The following NAALADL2 variants were observed in gnomAD, a reference collection of about 807,000 sequenced individuals.
The protein encoded by NAALADL2 is N-acetylated alpha-linked acidic dipeptidase like 2.
In NAALADL2, 76 loss-of-function variants were observed where a neutral mutation model predicts 87.2. The observed-to-expected ratio is 0.87, with a 90% CI of 0.72 to 1.05. The LOEUF (loss-of-function observed/expected upper bound fraction) is 1.05, where lower values mean the gene tolerates loss of function less well. Ranked by LOEUF, NAALADL2 falls within the 50% of genes least tolerant of loss-of-function variation. The probability of loss-of-function intolerance (pLI) is 0.00; values close to 1 mark genes in which losing one functional copy is unlikely to be tolerated. For synonymous variants in NAALADL2, 354 were observed against 331.0 expected, an observed-to-expected ratio of 1.07 and a Z score of -0.75; for missense variants, 1,089 against 945.8, an observed-to-expected ratio of 1.15 and a Z score of -1.99.
intron 5 of NAALADL2, among the ~76,000 whole-genome samples, chr3:175,367,242 A>G (rs144359575): frequency 0.079 from 11,948 of 151,856 alleles, 618 homozygotes; most frequent in Non-Finnish European, 0.12. Context: ...TACCAGTTCC[A>G]TGCTGTTTTG....
At chr3:174,710,430 T>C (rs1425059051) in intron 2 of NAALADL2, among the ~76,000 whole-genome samples, 2 of 152,040 alleles carry the variant, frequency 1.3e-5, no homozygotes, top group Non-Finnish European at 2.9e-5. Context: ...AATTTTGTAT[T>C]TTTAGTAGAG....
At chr3:174,940,536 T>C (rs1479926536) in intron 1 of NAALADL2, among the ~76,000 whole-genome samples, 4 of 152,070 alleles carry the variant, frequency 2.6e-5, no homozygotes, top group Non-Finnish European at 4.4e-5. Context: ...GACTGAGTTA[T>C]AGAGGAGTCC....
chr3:175,780,352 A>T (rs1405069646), intron 13 of NAALADL2, among the ~76,000 whole-genome samples: 1 of 152,100 alleles, frequency 6.6e-6, no homozygotes, highest in Non-Finnish European at 1.5e-5. Flanking sequence ...CACTACACAC[A>T]CATGCACACA....
rs1728670306 is a variant in NAALADL2 at position 175,133,901 on chromosome 3, A to G, written c.545+36610A>G. Among the ~76,000 whole-genome samples, 4 of 152,208 alleles carry G rather than the reference A, an allele frequency of 2.6e-5. No homozygotes were observed. In the South Asian group the frequency reaches 8.3e-4, roughly 32 times the overall value. ...AATGTTTTTACTCTGAGGTGATGTAACTGAACATAAGAAAGATTAAAACAT... is the reference window on the plus strand; with the variant it reads ...AATGTTTTTACTCTGAGGTGATGTAGCTGAACATAAGAAAGATTAAAACAT... On this transcript the variant is annotated intron_variant, in intron 2 of 13. Coordinates refer to ENST00000454872, the MANE Select transcript of NAALADL2 (RefSeq NM_207015.3).
At position 175,459,523 on chromosome 3, in the gene NAALADL2, T is replaced by C. The variant is rs147625981; in HGVS notation, c.1235-3878T>C. On this transcript the variant is annotated intron_variant, in intron 6 of 13. Transcript: ENST00000454872. The stretch of plus-strand genomic sequence containing the variant: ...GAAGGAAAAAATGGGAGAGAGAAAA[T>C]GGTCAAAAAAGTAATAATAATTTTT... 1.5e-3 allele frequency among the ~76,000 whole-genome samples: 224 copies of C among 148,790 alleles called. 1 individual carries two copies. Among genetic ancestry groups the C allele is most frequent in the African/African-American group, 4.5e-3 (184 of 40,500 alleles).
At chr3:174,883,468 C>A (rs1318575938) in intron 1 of NAALADL2, among the ~76,000 whole-genome samples, 1 of 152,116 alleles carries the variant, frequency 6.6e-6, no homozygotes, top group Non-Finnish European at 1.5e-5. Context: ...ATGCACTGAT[C>A]CCCAACCCAA....
intron 1 of NAALADL2, among the ~76,000 whole-genome samples, chr3:174,886,579 G>T (rs770347640): frequency 4.6e-5 from 7 of 152,140 alleles, no homozygotes; most frequent in East Asian, 1.9e-4. Flanking sequence ...GGAAAGAAGA[G>T]TTAAGAATGA....
At chr3:175,793,280 A>AG (rs398106773) in intron 13 of NAALADL2, among the ~76,000 whole-genome samples, 1 of 151,588 alleles carries the variant, frequency 6.6e-6, no homozygotes, top group African/African-American at 2.4e-5. Flanking sequence ...TTCAAAAAAA[A>AG]CTTTATAACA....
chr3:174,673,173 G>A (rs1726732095), intron 2 of NAALADL2, among the ~76,000 whole-genome samples: 1 of 151,936 alleles, frequency 6.6e-6, no homozygotes, highest in African/African-American at 2.4e-5. Flanking sequence ...TATTCAAAAG[G>A]TATTCACTAA....
chr3:175,102,738 C>A (rs752000521), intron 2 of NAALADL2, among the ~76,000 whole-genome samples: 2 of 152,110 alleles, frequency 1.3e-5, no homozygotes, highest in Non-Finnish European at 2.9e-5. Context: ...TTAATTTATA[C>A]TGTGAAATGA....
intron 1 of NAALADL2, among the ~76,000 whole-genome samples, chr3:175,064,216 G>A (rs537750593): frequency 2.1e-5 from 3 of 145,724 alleles, no homozygotes; most frequent in South Asian, 2.4e-4. Flanking sequence ...GATTTGCCAT[G>A]AAGAAAATAG....
chr3:174,655,831 A>G (rs1724861816), intron 2 of NAALADL2, among the ~76,000 whole-genome samples: 1 of 152,230 alleles, frequency 6.6e-6, no homozygotes, highest in Non-Finnish European at 1.5e-5. Flanking sequence ...GTTTTAACAT[A>G]TAAAAGTTTT....
chr3:174,770,135 C>T (rs766686850), intron 3 of NAALADL2, among the ~76,000 whole-genome samples: 3 of 152,162 alleles, frequency 2.0e-5, no homozygotes, highest in African/African-American at 4.8e-5. Flanking sequence ...CACAAACACA[C>T]ATGCATGTAC....
intron 5 of NAALADL2, among the ~76,000 whole-genome samples, chr3:175,333,010 C>G (rs1254020520): frequency 6.6e-6 from 1 of 152,116 alleles, no homozygotes; most frequent in Non-Finnish European, 1.5e-5. Flanking sequence ...CTATATGTGT[C>G]TTTACATGTC....
At chr3:174,546,221 G>A (rs1325562317) in intron 1 of NAALADL2, among the ~76,000 whole-genome samples, 1 of 152,098 alleles carries the variant, frequency 6.6e-6, no homozygotes, top group African/African-American at 2.4e-5. Context: ...ATTGAAGGTA[G>A]ATCTGGGACA....
At chr3:174,931,498 G>A (rs1026651333) in intron 1 of NAALADL2, among the ~76,000 whole-genome samples, 11 of 152,268 alleles carry the variant, frequency 7.2e-5, no homozygotes, top group East Asian at 1.9e-4. Flanking sequence ...TAGTACTATG[G>A]TGATGGTCCT....
chr3:175,498,556 G>A (rs1729124239), intron 9 of NAALADL2, among the ~76,000 whole-genome samples: 1 of 152,016 alleles, frequency 6.6e-6, no homozygotes, highest in Non-Finnish European at 1.5e-5. Flanking sequence ...AGTACCATGT[G>A]GGATATAAAG....
intron 2 of NAALADL2, among the ~76,000 whole-genome samples, chr3:174,554,963 A>G (rs1044827819): frequency 2.0e-5 from 3 of 152,218 alleles, no homozygotes; most frequent in African/African-American, 7.2e-5. Context: ...GTTTCTTCAC[A>G]TAGTGGAAGG....
At chr3:175,787,941 T>TAA (rs1302867026) in intron 13 of NAALADL2, among the ~76,000 whole-genome samples, 1 of 152,130 alleles carries the variant, frequency 6.6e-6, no homozygotes, top group African/African-American at 2.4e-5. Context: ...TAGTATAGCC[T>TAA]AAGTGTACAG....
Sources: allele counts gnomAD v4.1 joint callset (sites outside exome capture counted in the v4.1 genomes callset), GRCh38; gene constraint gnomAD v4.1.1; transcripts MANE v1.5; gene names NCBI Gene and HGNC (gene_info 2026-07-23, HGNC 2026-07-21).